Variants in TENM2 observed in about 807,000 individuals in gnomAD.
TENM2 encodes teneurin-2.
In TENM2, 52 loss-of-function variants were observed where a neutral mutation model predicts 245.2. The observed-to-expected ratio is 0.21, with a 90% confidence interval of 0.17 to 0.27. The LOEUF (loss-of-function observed/expected upper bound fraction) is 0.27, where lower values mean the gene tolerates loss of function less well. TENM2 is among the 10% of genes least tolerant of loss of function. The pLI is 1.00. For synonymous variants in TENM2, 1,363 were observed against 1,438.9 expected (o/e 0.95, Z 1.19); for missense variants, 3,046 against 3,666.8 (o/e 0.83, Z 4.37).
At chr5:167,365,923 TAAA>T (rs961836043) in intron 1 of TENM2, among the ~76,000 whole-genome samples, 31 of 151,974 alleles carry the variant, frequency 2.0e-4, no homozygotes, top group African/African-American at 6.7e-4. Flanking sequence ...CTTATAATAA[TAAA>T]GAAGAATGGC....
the TENM2 span, among the ~76,000 whole-genome samples, chr5:167,179,075 G>A: frequency 6.6e-6 from 1 of 152,096 alleles, no homozygotes; most frequent in Non-Finnish European, 1.5e-5. Context: ...TTTATAAGCT[G>A]TTATACTTTG....
intron 2 of TENM2, among the ~76,000 whole-genome samples, chr5:167,616,244 A>G (rs1777781553): frequency 6.6e-6 from 1 of 152,146 alleles, no homozygotes; most frequent in African/African-American, 2.4e-5. Context: ...TCTAAAGATG[A>G]AGTGGTGGAA....
chr5:167,412,398 C>A (rs1762954657), intron 2 of TENM2, among the ~76,000 whole-genome samples: 1 of 152,022 alleles, frequency 6.6e-6, no homozygotes, highest in African/African-American at 2.4e-5. Flanking sequence ...AGGTGGCTCA[C>A]ACCTGTAATC....
chr5:168,004,823 C>A (rs1439476885), intron 5 of TENM2, among the ~76,000 whole-genome samples: 1 of 137,362 alleles, frequency 7.3e-6, no homozygotes, highest in Non-Finnish European at 1.6e-5. Flanking sequence ...CCTGCTCTGT[C>A]ACGGTTAATT....
the TENM2 span, among the ~76,000 whole-genome samples, chr5:167,095,427 G>C: frequency 6.6e-6 from 1 of 152,132 alleles, no homozygotes; most frequent in Non-Finnish European, 1.5e-5. Flanking sequence ...CAAGTGAAGA[G>C]GGACTTGAGG....
intron 2 of TENM2, among the ~76,000 whole-genome samples, chr5:167,775,221 G>A (rs1763686443): frequency 6.6e-6 from 1 of 152,170 alleles, no homozygotes; most frequent in Non-Finnish European, 1.5e-5. Context: ...GCCCGCCTCG[G>A]CCTCCCAAAG....
At chr5:168,030,207 G>C (rs1253573273) in intron 5 of TENM2, among the ~76,000 whole-genome samples, 1 of 91,226 alleles carries the variant, frequency 1.1e-5, no homozygotes, top group Non-Finnish European at 2.0e-5. Context: ...ACCCTGGCTT[G>C]AATATCTCTT....
intron 1 of TENM2, among the ~76,000 whole-genome samples, chr5:167,315,334 G>A (rs1396205991): frequency 6.6e-6 from 1 of 152,080 alleles, no homozygotes; most frequent in African/African-American, 2.4e-5. Flanking sequence ...GTTAACTTAT[G>A]TTTAAACAAT....
intron 1 of TENM2, among the ~76,000 whole-genome samples, chr5:167,356,217 A>AAAAAAAAAAAAAAAAAAAAGT (rs1759321624): frequency 7.7e-6 from 1 of 129,104 alleles, no homozygotes; most frequent in African/African-American, 3.2e-5. Flanking sequence ...AAAAAAAAAA[A>AAAAAAAAAAAAAAAAAAAAGT]AAAATTAAAA....
At chr5:167,506,144 T>C (rs896748545) in intron 2 of TENM2, among the ~76,000 whole-genome samples, 1 of 152,192 alleles carries the variant, frequency 6.6e-6, no homozygotes, top group Non-Finnish European at 1.5e-5. Context: ...GTGATGGAAG[T>C]ACCAAAAAAA....
chr5:168,019,634 AG>A (rs1785968256), intron 5 of TENM2, among the ~76,000 whole-genome samples: 1 of 152,220 alleles, frequency 6.6e-6, no homozygotes, highest in South Asian at 2.1e-4. Flanking sequence ...AGAGGGTAAA[AG>A]AAAGTTTCCT....
At chr5:167,640,155 T>C (rs1779460596) in intron 2 of TENM2, among the ~76,000 whole-genome samples, 2 of 152,158 alleles carry the variant, frequency 1.3e-5, no homozygotes, top group African/African-American at 4.8e-5. Flanking sequence ...ATTTAAAGAT[T>C]TTGAGAATCA....
intron 2 of TENM2, among the ~76,000 whole-genome samples, chr5:167,639,231 G>C (rs1229905860): frequency 6.6e-6 from 1 of 152,144 alleles, no homozygotes; most frequent in Non-Finnish European, 1.5e-5. Context: ...ATTTTGGCTG[G>C]TGTATTAATT....
intron 28 of TENM2, among the ~76,000 whole-genome samples, chr5:168,261,697 T>C (rs1024025811): frequency 5.3e-5 from 8 of 152,038 alleles, no homozygotes; most frequent in African/African-American, 1.9e-4. Flanking sequence ...ACCATCAGAG[T>C]ACAGAACAGG....
intron 2 of TENM2, among the ~76,000 whole-genome samples, chr5:167,875,302 G>A (rs1250876540): frequency 6.6e-6 from 1 of 151,846 alleles, no homozygotes. Flanking sequence ...GAGGGGACAG[G>A]AAGTGTGAAG....
intron 2 of TENM2, among the ~76,000 whole-genome samples, chr5:167,674,308 G>A (rs1306555140): frequency 6.6e-6 from 1 of 152,054 alleles, no homozygotes; most frequent in Non-Finnish European, 1.5e-5. Context: ...ATACAGTCAT[G>A]CCATCACCTT....
intron 13 of TENM2, among the ~76,000 whole-genome samples, chr5:168,177,286 A>G (rs1236421586): frequency 2.0e-5 from 3 of 152,246 alleles, no homozygotes; most frequent in Non-Finnish European, 4.4e-5. Flanking sequence ...AAGTAAACAA[A>G]TGGTTACTAT....
At chr5:168,096,926 G>A (rs1438169940) in intron 8 of TENM2, among the ~76,000 whole-genome samples, 1 of 152,156 alleles carries the variant, frequency 6.6e-6, no homozygotes, top group Non-Finnish European at 1.5e-5. Context: ...ACATTAAATA[G>A]TTCCAAAATC....
At chr5:167,136,165 A>G in the TENM2 span, among the ~76,000 whole-genome samples, 1 of 152,196 alleles carries the variant, frequency 6.6e-6, no homozygotes, top group Non-Finnish European at 1.5e-5. Flanking sequence ...CACCTATGTA[A>G]ATATTTTCCA....
Sources: allele counts gnomAD v4.1 joint callset (sites outside exome capture counted in the v4.1 genomes callset), GRCh38; gene constraint gnomAD v4.1.1; transcripts MANE v1.5; gene names NCBI Gene and HGNC (gene_info 2026-07-23, HGNC 2026-07-21).